Variants in CRPPA observed in about 807,000 individuals in gnomAD.
CRPPA encodes the protein CDP-L-ribitol pyrophosphorylase A.
A neutral mutation model predicts 52.0 loss-of-function variants in CRPPA; 43 were observed. The ratio of observed to expected loss-of-function variants is 0.83; its 90% CI spans 0.65 to 1.07. CRPPA has a LOEUF of 1.07. CRPPA is among the 50% of genes least tolerant of loss of function. The pLI is 0.00. For synonymous variants in CRPPA, 250 were observed against 203.5 expected (o/e 1.23, Z -1.94); for missense variants, 629 against 551.7 (o/e 1.14, Z -1.40).
intron 3 of CRPPA, among the ~76,000 whole-genome samples, chr7:16,311,512 C>A (rs1488340506): frequency 3.3e-5 from 5 of 152,122 alleles, no homozygotes; most frequent in South Asian, 2.1e-4. Context: ...TAGCTAATTT[C>A]TTTTTAGGAG....
At chr7:16,342,733 G>C (rs1785881298) in intron 3 of CRPPA, among the ~76,000 whole-genome samples, 1 of 119,500 alleles carries the variant, frequency 8.4e-6, no homozygotes, top group African/African-American at 3.2e-5. Flanking sequence ...TTCAAGAGCA[G>C]CCTGGGCAAC....
At position 16,412,371 on chromosome 7, in the gene CRPPA, C is replaced by T. The variant is rs115528336; in HGVS notation, c.258-6034G>A. The stretch of plus-strand genomic sequence containing the variant: ...TTGCATGAATTTTCTTTCAAATGTG[C>T]GTGAGTATATAAGTAAATATGCATT... On this transcript the variant is annotated intron_variant, in intron 1 of 9. Coordinates refer to ENST00000407010, the MANE Select transcript of CRPPA (RefSeq NM_001101426.4). Among the ~76,000 whole-genome samples the T allele has an allele frequency of 2.4e-3, 367 of 152,134 alleles. 4 individuals are homozygous for T. Among genetic ancestry groups the T allele is most frequent in the African/African-American group, 8.2e-3 (341 of 41,496 alleles).
At chr7:16,299,271 CATAA>C (rs1355993535) in intron 5 of CRPPA, among the ~76,000 whole-genome samples, 1 of 152,050 alleles carries the variant, frequency 6.6e-6, no homozygotes, top group African/African-American at 2.4e-5. Context: ...GAGTACAAGT[CATAA>C]ATGGAAGGGG....
chr7:16,399,015 G>T (rs1270070911), intron 2 of CRPPA, among the ~76,000 whole-genome samples: 2 of 152,184 alleles, frequency 1.3e-5, no homozygotes, highest in Non-Finnish European at 2.9e-5. Flanking sequence ...TGACACAATT[G>T]ACATGTGACC....
chr7:16,101,760 T>A (rs1287190724), intron 9 of CRPPA, among the ~76,000 whole-genome samples: 4 of 152,040 alleles, frequency 2.6e-5, no homozygotes, highest in African/African-American at 9.7e-5. Flanking sequence ...GGATGTGAAA[T>A]ACCTCTTCAA....
At chr7:16,152,447 G>T (rs1486972755) in intron 9 of CRPPA, among the ~76,000 whole-genome samples, 2 of 151,844 alleles carry the variant, frequency 1.3e-5, no homozygotes, top group African/African-American at 4.8e-5. Flanking sequence ...ATGTTATATT[G>T]GGACTTCTGT....
intron 9 of CRPPA, among the ~76,000 whole-genome samples, chr7:16,163,670 T>C (rs1780974244): frequency 6.6e-6 from 1 of 152,200 alleles, no homozygotes; most frequent in African/African-American, 2.4e-5. Context: ...TTCCTTTCCA[T>C]ATTTAGTGCT....
intron 8 of CRPPA, among the ~76,000 whole-genome samples, chr7:16,233,667 A>G (rs1782867504): frequency 6.6e-6 from 1 of 152,138 alleles, no homozygotes; most frequent in South Asian, 2.1e-4. Flanking sequence ...GCTCAATTAA[A>G]TGGCCAGCCA....
intron 9 of CRPPA, among the ~76,000 whole-genome samples, chr7:16,194,525 T>C (rs916311164): frequency 6.6e-6 from 1 of 152,084 alleles, no homozygotes; most frequent in South Asian, 2.1e-4. Context: ...TTACTAAACA[T>C]GTATCGGAAA....
chr7:16,194,298 G>T (rs775427219), intron 9 of CRPPA, among the ~76,000 whole-genome samples: 8 of 152,134 alleles, frequency 5.3e-5, no homozygotes, highest in Non-Finnish European at 8.8e-5. Context: ...GAGTAGATGA[G>T]ACATGGTGCC....
chr7:16,272,956 CT>C (rs11360688), intron 6 of CRPPA, among the ~76,000 whole-genome samples: 15,409 of 147,432 alleles, frequency 0.1, 1,120 homozygotes, highest in African/African-American at 0.19. Context: ...TCCTTTGTCG[CT>C]TTTTTTTTTA....
intron 1 of CRPPA, among the ~76,000 whole-genome samples, chr7:16,419,886 GAT>G (rs1268635251): frequency 6.6e-6 from 1 of 152,118 alleles, no homozygotes; most frequent in African/African-American, 2.4e-5. Flanking sequence ...GTAATAATTT[GAT>G]ATGAGACTGA....
intron 9 of CRPPA, among the ~76,000 whole-genome samples, chr7:16,161,991 T>C (rs1780906462): frequency 6.6e-6 from 1 of 152,218 alleles, no homozygotes; most frequent in Admixed American, 6.5e-5. Flanking sequence ...TTTATAGTAT[T>C]CTCTGATGGT....
chr7:16,140,078 A>C, intron 9 of CRPPA, among the ~76,000 whole-genome samples: 1 of 152,334 alleles, frequency 6.6e-6, no homozygotes, highest in African/African-American at 2.4e-5. Context: ...ATACTATACA[A>C]GATAGAGGAA....
At chr7:16,171,686 A>G (rs1781190917) in intron 9 of CRPPA, among the ~76,000 whole-genome samples, 1 of 152,110 alleles carries the variant, frequency 6.6e-6, no homozygotes, top group African/African-American at 2.4e-5. Context: ...CCAGCTACTC[A>G]GGAGGCTGAG....
At chr7:16,289,146 T>C (rs551418392) in intron 5 of CRPPA, among the ~76,000 whole-genome samples, 2 of 151,900 alleles carry the variant, frequency 1.3e-5, no homozygotes, top group Non-Finnish European at 2.9e-5. Flanking sequence ...CCTACCAAGA[T>C]CGAAAGAGGA....
At chr7:16,352,076 T>C (rs1583541141) in intron 3 of CRPPA, among the ~76,000 whole-genome samples, 1 of 152,092 alleles carries the variant, frequency 6.6e-6, no homozygotes, top group African/African-American at 2.4e-5. Flanking sequence ...TGGAATACTA[T>C]GAAGCCATAA....
At chr7:16,168,337 C>T (rs1330911895) in intron 9 of CRPPA, among the ~76,000 whole-genome samples, 2 of 151,952 alleles carry the variant, frequency 1.3e-5, no homozygotes, top group Non-Finnish European at 2.9e-5. Flanking sequence ...TGCATAGGGA[C>T]ATATAAGGAA....
intron 1 of CRPPA, among the ~76,000 whole-genome samples, chr7:16,406,653 G>A (rs1319047070): frequency 6.6e-6 from 1 of 152,150 alleles, no homozygotes; most frequent in Non-Finnish European, 1.5e-5. Context: ...AATATAGATT[G>A]TATGAAAAAA....
Sources: gnomAD v4.1 joint callset for allele counts (sites outside exome capture counted in the v4.1 genomes callset) on GRCh38, gnomAD v4.1.1 for gene constraint, MANE v1.5 for transcripts, NCBI Gene and HGNC (gene_info 2026-07-23, HGNC 2026-07-21) for gene names.